PTPRT: variants seen among roughly 807,000 people sequenced by gnomAD.
The protein encoded by PTPRT is receptor-type tyrosine-protein phosphatase T.
A neutral mutation model predicts 176.8 loss-of-function variants in PTPRT; 56 were observed. The ratio of observed to expected loss-of-function variants is 0.32; its 90% confidence interval spans 0.26 to 0.40. The LOEUF is 0.40. PTPRT is among the 10% of genes least tolerant of loss of function. PTPRT has a pLI of 1.00. For missense variants in PTPRT, 1,540 were observed against 1,908.2 expected, an observed-to-expected ratio of 0.81 and a Z score of 3.60; for synonymous variants, 783 against 739.0, an observed-to-expected ratio of 1.06 and a Z score of -0.96.
Position 42,115,290 on chromosome 20 carries a change from T to C in PTPRT, c.3008A>G (p.Asp1003Gly), listed in dbSNP as rs1453102976. The change falls in exon 22 of 31, where the codon GAT (aspartate) becomes GGT (glycine). Residue 1003 changes from aspartate to glycine, a missense_variant. Coordinates refer to ENST00000373187, the MANE Select transcript of PTPRT (RefSeq NM_007050.6). ...GRVKCVRYWP[D>G]DTEVYGDIKV... Reference sequence around the variant, plus strand: ...AATGTCTCCGTAGACCTCCGTGTCATCTGGCCAGTATCGCACACATTTCAC... The same window carrying C: ...AATGTCTCCGTAGACCTCCGTGTCACCTGGCCAGTATCGCACACATTTCAC... 1 of 1,614,122 alleles carries C rather than the reference T, an allele frequency of 6.2e-7. No homozygotes were observed. The highest frequency in any genetic ancestry group is 8.5e-7 in the Non-Finnish European group (1 of 1,179,982).
chr20:42,437,700 C>G (rs77991910), intron 9 of PTPRT, among the ~76,000 whole-genome samples: 1 of 152,088 alleles, frequency 6.6e-6, no homozygotes, highest in Non-Finnish European at 1.5e-5. Context: ...TGCCCATTGA[C>G]TTAAGGTGAG....
chr20:42,890,358 G>A (rs2079172096), intron 1 of PTPRT, among the ~76,000 whole-genome samples: 2 of 152,132 alleles, frequency 1.3e-5, no homozygotes, highest in African/African-American at 4.8e-5. Context: ...TAACCCAATA[G>A]CAACTGACAC....
At chr20:43,174,520 A>G (rs539353384) in intron 1 of PTPRT, among the ~76,000 whole-genome samples, 55 of 152,308 alleles carry the variant, frequency 3.6e-4, no homozygotes, top group African/African-American at 1.3e-3. Flanking sequence ...TGTGATTTTC[A>G]TAACTCTTGA....
chr20:42,886,191 T>A (rs2079100807), intron 1 of PTPRT, among the ~76,000 whole-genome samples: 1 of 152,202 alleles, frequency 6.6e-6, no homozygotes. Flanking sequence ...TCAATCTTCC[T>A]TCCTGAGAAA....
At chr20:42,128,465 T>A (rs1987967299) in intron 19 of PTPRT, among the ~76,000 whole-genome samples, 1 of 152,078 alleles carries the variant, frequency 6.6e-6, no homozygotes, top group Non-Finnish European at 1.5e-5. Flanking sequence ...GGCCATGCGT[T>A]TATGTGAATG....
the PTPRT span, among the ~76,000 whole-genome samples, chr20:42,044,206 T>C: frequency 6.6e-6 from 1 of 152,326 alleles, no homozygotes; most frequent in African/African-American, 2.4e-5. Context: ...CTCCTCCAGT[T>C]GGACTCTGTG....
At chr20:42,905,779 A>T (rs1215702129) in intron 1 of PTPRT, among the ~76,000 whole-genome samples, 1 of 152,194 alleles carries the variant, frequency 6.6e-6, no homozygotes, top group African/African-American at 2.4e-5. Context: ...GTCATGGATG[A>T]AGCTAGAAAC....
intron 9 of PTPRT, among the ~76,000 whole-genome samples, chr20:42,423,822 C>T (rs2059140913): frequency 6.6e-6 from 1 of 151,920 alleles, no homozygotes; most frequent in East Asian, 1.9e-4. Context: ...CATTAAAATG[C>T]TAACAATGTA....
At chr20:42,742,623 A>C (rs1016297410) in intron 6 of PTPRT, among the ~76,000 whole-genome samples, 1 of 151,834 alleles carries the variant, frequency 6.6e-6, no homozygotes, top group Non-Finnish European at 1.5e-5. Context: ...TTCTGCACAC[A>C]CTCCTCTGGC....
chr20:42,188,236 C>T (rs143451232), intron 16 of PTPRT, among the ~76,000 whole-genome samples: 3 of 152,132 alleles, frequency 2.0e-5, no homozygotes, highest in African/African-American at 7.2e-5. Flanking sequence ...GGGCTAAGGC[C>T]GGGGACACTT....
At chr20:43,171,332 C>T (rs2014993545) in intron 1 of PTPRT, among the ~76,000 whole-genome samples, 1 of 152,078 alleles carries the variant, frequency 6.6e-6, no homozygotes, top group South Asian at 2.1e-4. Context: ...ATTAAGTGAG[C>T]CCCGACTATG....
At chr20:42,909,824 T>C (rs1272043889) in intron 1 of PTPRT, among the ~76,000 whole-genome samples, 5 of 152,200 alleles carry the variant, frequency 3.3e-5, no homozygotes, top group African/African-American at 1.2e-4. Context: ...GGATTTCACC[T>C]TGGGGAGAAA....
At chr20:42,967,388 G>C (rs1252802332) in intron 1 of PTPRT, among the ~76,000 whole-genome samples, 3 of 152,140 alleles carry the variant, frequency 2.0e-5, no homozygotes, top group African/African-American at 7.2e-5. Flanking sequence ...AAAAACAGAA[G>C]AGGAAAAGAC....
At chr20:42,339,620 G>A in intron 11 of PTPRT, among the ~76,000 whole-genome samples, 1 of 152,206 alleles carries the variant, frequency 6.6e-6, no homozygotes, top group Non-Finnish European at 1.5e-5. Context: ...TAGTACTCAA[G>A]CGTGGTCCAA....
At chr20:42,676,452 C>T (rs1031119047) in intron 7 of PTPRT, among the ~76,000 whole-genome samples, 1 of 152,090 alleles carries the variant, frequency 6.6e-6, no homozygotes, top group Admixed American at 6.5e-5. Flanking sequence ...CCCTCAGTGA[C>T]TCCTCTTTGT....
chr20:42,919,592 G>A (rs561959278), intron 1 of PTPRT, among the ~76,000 whole-genome samples: 1 of 152,324 alleles, frequency 6.6e-6, no homozygotes, highest in Non-Finnish European at 1.5e-5. Flanking sequence ...TTGCAGCACA[G>A]ACTATGTGCC....
At chr20:42,393,659 T>C (rs947164247) in intron 9 of PTPRT, among the ~76,000 whole-genome samples, 1 of 152,230 alleles carries the variant, frequency 6.6e-6, no homozygotes, top group Admixed American at 6.5e-5. Context: ...GTAGTATTTA[T>C]GTATTCCTTA....
At chr20:42,197,833 T>C (rs1031350558) in intron 16 of PTPRT, among the ~76,000 whole-genome samples, 2 of 152,138 alleles carry the variant, frequency 1.3e-5, no homozygotes, top group Non-Finnish European at 2.9e-5. Flanking sequence ...GTAAAGGGTA[T>C]ATGAGTATTC....
the PTPRT span, among the ~76,000 whole-genome samples, chr20:42,054,041 C>T: frequency 1.3e-5 from 2 of 152,184 alleles, no homozygotes; most frequent in Non-Finnish European, 2.9e-5. Context: ...GTCACTAGAA[C>T]ATCCAGGTCC....
Sources: allele counts gnomAD v4.1 joint callset (sites outside exome capture counted in the v4.1 genomes callset), GRCh38; gene constraint gnomAD v4.1.1; transcripts MANE v1.5; gene names NCBI Gene and HGNC (gene_info 2026-07-23, HGNC 2026-07-21).